Variants in MC5R observed in about 807,000 individuals in gnomAD.
MC5R encodes the protein melanocortin 5 receptor, also known as melanocortin receptor 5.
For missense variants in MC5R, 420 were observed against 431.4 expected (o/e 0.97, Z 0.23); for synonymous variants, 167 against 164.4 (o/e 1.02, Z -0.12).
rs2044930316 is a variant in MC5R at position 13,826,399 on chromosome 18, G to A, written c.634G>A (p.Ala212Thr). 1 of 1,613,930 alleles carries A rather than the reference G, an allele frequency of 6.2e-7. No homozygotes were observed. The highest frequency in any genetic ancestry group is 8.5e-7 in the Non-Finnish European group (1 of 1,179,994). Residue 212 changes from alanine to threonine, a missense_variant, in exon 2 of 2, where the codon GCG becomes ACG. By Grantham distance (58) the Ala-to-Thr change is moderately conservative. Transcript: ENST00000589410. Reference protein sequence around the residue: ...VSLYIHMFLLARTHVKRIAAL... With the variant: ...VSLYIHMFLLTRTHVKRIAAL... ...TCTGTACATACACATGTTCCTCCTG[G>A]CGCGGACTCACGTCAAGCGGATCGC...
chr18:13,826,753 G>C lies in MC5R; in HGVS notation c.*10G>C. 1.3e-6 allele frequency: 2 copies of C among 1,593,194 alleles called. No homozygotes were observed. Among genetic ancestry groups the C allele is most frequent in the African/African-American group, 1.3e-5 (1 of 74,710 alleles). ...TCCCAGAAGGGATTAAGCACAAAGT[G>C]CTCCTCTCTGTGGCTCTGTTCTCCT... On this transcript the variant is annotated 3_prime_UTR_variant, in exon 2 of 2. Coordinates refer to ENST00000589410, the MANE Select transcript of MC5R (RefSeq NM_005913.3).
chr18:13,826,204 G>A lies in MC5R; in HGVS notation c.439G>A (p.Ala147Thr), dbSNP rs147915585. 6.8e-6 allele frequency: 11 copies of A among 1,614,082 alleles called. No homozygotes were observed. Among genetic ancestry groups the A allele is most frequent in the Middle Eastern group, 3.3e-4 (2 of 6,062 alleles). Residue 147 changes from alanine to threonine, a missense_variant, in exon 2 of 2, where the codon GCC becomes ACC. Transcript: ENST00000589410. The part of the protein sequence containing the change: ...AVDRYVTIFY[A>T]LRYHHIMTAR... The stretch of plus-strand genomic sequence containing the variant: ...GGATAGGTACGTCACCATCTTCTAC[G>A]CCCTGCGCTACCACCACATCATGAC...
At position 13,826,432 on chromosome 18, in the gene MC5R, C is replaced by G. The variant is rs139234718; in HGVS notation, c.667C>G (p.Pro223Ala). The G allele has an allele frequency of 8.7e-6, 14 of 1,613,926 alleles. No homozygotes were observed. Among genetic ancestry groups the G allele is most frequent in the Non-Finnish European group, 1.2e-5 (14 of 1,179,874 alleles). ...TCACGTCAAGCGGATCGCGGCTCTGCCCGGGGCCAGCTCTGCGCGGCAGAG... is the reference window on the plus strand; with the variant it reads ...TCACGTCAAGCGGATCGCGGCTCTGGCCGGGGCCAGCTCTGCGCGGCAGAG... Reference protein sequence around the residue: ...RTHVKRIAALPGASSARQRTS... With the variant: ...RTHVKRIAALAGASSARQRTS... Residue 223 changes from proline to alanine, a missense_variant, in exon 2 of 2, where the codon CCC becomes GCC. By Grantham distance (27) the Pro-to-Ala change is conservative. Coordinates refer to ENST00000589410, the MANE Select transcript of MC5R (RefSeq NM_005913.3).
chr18:13,826,844 C>T lies in MC5R; in HGVS notation c.*101C>T, dbSNP rs900991305. The T allele has an allele frequency of 2.2e-5, 29 of 1,333,680 alleles. No homozygotes were observed. Among genetic ancestry groups the T allele is most frequent in the Non-Finnish European group, 2.9e-5 (29 of 985,362 alleles). 82.6% of individuals were successfully genotyped at this position (1,333,680 alleles called of 1,614,324 possible). ...GCGGGAGTGCTAGCATCCCATTTTTCTCTTTACCAGCTCAGACATGGGCCT... is the reference window on the plus strand; with the variant it reads ...GCGGGAGTGCTAGCATCCCATTTTTTTCTTTACCAGCTCAGACATGGGCCT... On this transcript the variant is annotated 3_prime_UTR_variant, in exon 2 of 2. Coordinates refer to ENST00000589410, the MANE Select transcript of MC5R (RefSeq NM_005913.3).
chr18:13,826,435 G>A lies in MC5R; in HGVS notation c.670G>A (p.Gly224Arg), dbSNP rs761533746. The A allele has an allele frequency of 5.6e-6, 9 of 1,613,678 alleles. No individual in the cohort carries two copies. Among genetic ancestry groups the A allele is most frequent in the African/African-American group, 1.3e-5 (1 of 74,900 alleles). ...THVKRIAALP[G>R]ASSARQRTSM... ...CGTCAAGCGGATCGCGGCTCTGCCC[G>A]GGGCCAGCTCTGCGCGGCAGAGGAC... Residue 224 changes from glycine to arginine, a missense_variant, in exon 2 of 2, where the codon GGG (glycine) becomes AGG (arginine). Coordinates refer to ENST00000589410, the MANE Select transcript of MC5R (RefSeq NM_005913.3).
Position 13,825,975 on chromosome 18 carries a change from C to T in MC5R, c.210C>T (p.Pro70=). Residue 70 remains proline (P), a synonymous_variant, in exon 2 of 2, where the codon CCC becomes CCT. Coordinates refer to ENST00000589410, the MANE Select transcript of MC5R (RefSeq NM_005913.3). ...TGAAGAACAAAAACCTGCACTCCCCCATGTACTTCTTCGTGTGCAGCCTGG... is the reference window on the plus strand; with the variant it reads ...TGAAGAACAAAAACCTGCACTCCCCTATGTACTTCTTCGTGTGCAGCCTGG... The part of the protein sequence containing the change: ...AIVKNKNLHS[P]MYFFVCSLAV... The T allele has an allele frequency of 6.2e-7, 1 of 1,614,174 alleles. No homozygotes were observed. Among genetic ancestry groups the T allele is most frequent in the Non-Finnish European group, 8.5e-7 (1 of 1,180,024 alleles).
At chr18:13,824,948 G>T (rs1185782529) in intron 1 of MC5R, among the ~76,000 whole-genome samples, 1 of 152,134 alleles carries the variant, frequency 6.6e-6, no homozygotes, top group Admixed American at 6.5e-5. Flanking sequence ...TAACACGTAT[G>T]TGCAGCCTAC....
chr18:13,826,690 A>G lies in MC5R; in HGVS notation c.925A>G (p.Ile309Val), dbSNP rs556696908. 6.2e-6 allele frequency: 10 copies of G among 1,613,256 alleles called. No homozygotes were observed. In the African/African-American group the frequency reaches 8.0e-5, roughly 13 times the overall value. The change falls in exon 2 of 2, where the codon ATT becomes GTT. Residue 309 changes from isoleucine to valine, a missense_variant. Physicochemically the swap from Ile to Val is conservative, Grantham distance 29. Coordinates refer to ENST00000589410, the MANE Select transcript of MC5R (RefSeq NM_005913.3). ...AGAGATGCGGAAGACCTTTAAGGAG[A>G]TTATTTGCTGCCGTGGTTTCAGGAT... ...SQEMRKTFKE[I>V]ICCRGFRIAC...
chr18:13,826,907 C>A lies in MC5R; in HGVS notation c.*164C>A. 3 of 683,868 alleles carry A rather than the reference C, an allele frequency of 4.4e-6. No individual in the cohort carries two copies. Among genetic ancestry groups the A allele is most frequent in the Non-Finnish European group, 7.2e-6 (3 of 419,410 alleles). 42.4% of individuals were successfully genotyped at this position (683,868 alleles called of 1,614,324 possible). On this transcript the variant is annotated 3_prime_UTR_variant, in exon 2 of 2. Transcript: ENST00000589410. ...CTGTTCAGTTCCTGGTGATTATGTC[C>A]AACATGCAAGGGTTGCTTATCCACT...
In MC5R at chr18:13,824,260, C is replaced by T. The variant is rs2044914922; in HGVS notation, c.-54C>T. The stretch of plus-strand genomic sequence containing the variant: ...GGCCCGGGCTGAGCGCCGCGGCCCG[C>T]GAGGAGGAGCACCGGTAAATAGCCA... On this transcript the variant is annotated 5_prime_UTR_variant, in exon 1 of 2. Coordinates refer to ENST00000589410, the MANE Select transcript of MC5R (RefSeq NM_005913.3). 6.6e-6 allele frequency: 1 copy of T among 152,212 alleles called. No individual in the cohort carries two copies. The highest frequency in any genetic ancestry group is 1.5e-5 in the Non-Finnish European group (1 of 68,032). 9.4% of individuals were successfully genotyped at this position (152,212 alleles called of 1,614,324 possible).
At position 13,826,718 on chromosome 18, in the gene MC5R, C is replaced by T; in HGVS notation, c.953C>T (p.Ala318Val). 1 of 1,611,528 alleles carries T rather than the reference C, an allele frequency of 6.2e-7. No individual in the cohort carries two copies. The highest frequency in any genetic ancestry group is 1.1e-5 in the South Asian group (1 of 90,678). ...ATTTGCTGCCGTGGTTTCAGGATCG[C>T]CTGCAGCTTTCCCAGAAGGGATTAA... Reference protein sequence around the residue: ...EIICCRGFRIACSFPRRD With the variant: ...EIICCRGFRIVCSFPRRD The change falls in exon 2 of 2, where the codon GCC becomes GTC. Residue 318 changes from alanine to valine, a missense_variant. By Grantham distance (64) the Ala-to-Val change is moderately conservative. Transcript: ENST00000589410.
At position 13,826,008 on chromosome 18, in the gene MC5R, G is replaced by A. The variant is rs2236699; in HGVS notation, c.243G>A (p.Ala81=). The A allele has an allele frequency of 1.9e-6, 3 of 1,613,942 alleles. No individual in the cohort carries two copies. The highest frequency in any genetic ancestry group is 2.5e-6 in the Non-Finnish European group (3 of 1,179,996). ...MYFFVCSLAV[A]DMLVSMSSAW... is the part of the protein sequence containing the mutation. The stretch of plus-strand genomic sequence containing the variant: ...TCTTCGTGTGCAGCCTGGCAGTGGC[G>A]GACATGCTGGTGAGCATGTCCAGTG... Residue 81 remains alanine (A), a synonymous_variant, in exon 2 of 2, where the codon GCG becomes GCA. Transcript: ENST00000589410.
Position 13,825,676 on chromosome 18 carries a change from T to G in MC5R, c.-39-51T>G. 2.5e-6 allele frequency: 3 copies of G among 1,183,806 alleles called. No homozygotes were observed. In the South Asian group the frequency reaches 4.5e-5, roughly 18 times the overall value. 73.3% of individuals were successfully genotyped at this position (1,183,806 alleles called of 1,614,324 possible). Reference sequence around the variant, plus strand: ...GTTCTAGGCTAGCTGCTGTCTTTCTTTGGTAGGCTGCTAACCTCTTTGGAT... The same window carrying G: ...GTTCTAGGCTAGCTGCTGTCTTTCTGTGGTAGGCTGCTAACCTCTTTGGAT... On this transcript the variant is annotated intron_variant, in intron 1 of 1. Coordinates refer to ENST00000589410, the MANE Select transcript of MC5R (RefSeq NM_005913.3).
chr18:13,826,238 G>T lies in MC5R; in HGVS notation c.473G>T (p.Arg158Leu), dbSNP rs756388651. ...TACCACCACATCATGACGGCGAGGC[G>T]CTCAGGGGCCATCATCGCCGGCATC... is the stretch of plus-strand genomic sequence containing the variant. ...LRYHHIMTAR[R>L]SGAIIAGIWA... Residue 158 changes from arginine to leucine, a missense_variant, in exon 2 of 2, where the codon CGC becomes CTC. Physicochemically the swap from Arg to Leu is moderately radical, Grantham distance 102. Transcript: ENST00000589410. The T allele has an allele frequency of 6.2e-7, 1 of 1,614,096 alleles. No individual in the cohort carries two copies. Among genetic ancestry groups the T allele is most frequent in the Admixed American group, 1.7e-5 (1 of 60,024 alleles).
At chr18:13,825,684 C>T in intron 1 of MC5R, 43 bp from the exon 2 acceptor site, 1 of 1,268,520 alleles carries the variant, frequency 7.9e-7, no homozygotes, top group East Asian at 2.3e-5. Context: ...CTTTGGTAGG[C>T]TGCTAACCTC....
rs758224077 is a variant in MC5R, at chr18:13,826,297, A to G, written c.532A>G (p.Ile178Val). 1.2e-6 allele frequency: 2 copies of G among 1,614,134 alleles called. No homozygotes were observed. Among genetic ancestry groups the G allele is most frequent in the Non-Finnish European group, 1.7e-6 (2 of 1,180,036 alleles). Residue 178 changes from isoleucine to valine, a missense_variant, in exon 2 of 2, where the codon ATC (isoleucine) becomes GTC (valine). Transcript: ENST00000589410. ...AFCTGCGIVF[I>V]LYSESTYVIL... ...CTGCACGGGCTGCGGCATTGTCTTC[A>G]TCCTGTACTCAGAATCCACCTACGT...
Position 13,826,584 on chromosome 18 carries a change from C to T in MC5R, c.819C>T (p.Phe273=). ...CTCAGAACCTCTACTGCTCTCGCTT[C>T]ATGTCTCACTTCAATATGTACCTCA... is the stretch of plus-strand genomic sequence containing the variant. ...SCPQNLYCSR[F]MSHFNMYLIL... is the part of the protein sequence containing the mutation. The change falls in exon 2 of 2, where the codon TTC becomes TTT. Residue 273 remains phenylalanine, a synonymous_variant. Coordinates refer to ENST00000589410, the MANE Select transcript of MC5R (RefSeq NM_005913.3). 1 of 1,614,170 alleles carries T rather than the reference C, an allele frequency of 6.2e-7. No individual in the cohort carries two copies. The highest frequency in any genetic ancestry group is 1.7e-5 in the Admixed American group (1 of 60,022).
Position 13,826,771 on chromosome 18 carries a change from G to A in MC5R, c.*28G>A, listed in dbSNP as rs749154887. On this transcript the variant is annotated 3_prime_UTR_variant, in exon 2 of 2. Transcript: ENST00000589410. Reference sequence around the variant, plus strand: ...ACAAAGTGCTCCTCTCTGTGGCTCTGTTCTCCTTTGTTTGCTCACCTATGA... The same window carrying A: ...ACAAAGTGCTCCTCTCTGTGGCTCTATTCTCCTTTGTTTGCTCACCTATGA... 1.3e-6 allele frequency: 2 copies of A among 1,562,826 alleles called. No homozygotes were observed. The highest frequency in any genetic ancestry group is 1.7e-6 in the Non-Finnish European group (2 of 1,159,848).
In MC5R at chr18:13,826,835, C is replaced by T; in HGVS notation, c.*92C>T. On this transcript the variant is annotated 3_prime_UTR_variant, in exon 2 of 2. Coordinates refer to ENST00000589410, the MANE Select transcript of MC5R (RefSeq NM_005913.3). ...AAGGGGTAGGCGGGAGTGCTAGCAT[C>T]CCATTTTTCTCTTTACCAGCTCAGA... The T allele has an allele frequency of 7.1e-7, 1 of 1,414,760 alleles. No homozygotes were observed. The highest frequency in any genetic ancestry group is 2.3e-5 in the East Asian group (1 of 43,690). The allele number at this position is 1,414,760 out of a possible 1,614,324, so 87.6% of individuals were successfully genotyped here. A position where few individuals can be genotyped will look rare whatever the true frequency, so the allele number is the denominator to read the frequency against.
Sources: gnomAD v4.1 joint callset for allele counts (sites outside exome capture counted in the v4.1 genomes callset) on GRCh38, gnomAD v4.1.1 for gene constraint, MANE v1.5 for transcripts, NCBI Gene and HGNC (gene_info 2026-07-23, HGNC 2026-07-21) for gene names.